ENTREP2: variants seen among roughly 807,000 people sequenced by gnomAD.
The protein encoded by ENTREP2 is endosomal transmembrane epsin interactor 2, also known as protein ENTREP2.
the ENTREP2 span, among the ~76,000 whole-genome samples, chr15:29,158,177 A>ACTACT: frequency 6.6e-6 from 1 of 152,176 alleles, no homozygotes. Context: ...ACCAAATGAA[A>ACTACT]CTACTCACAG....
the ENTREP2 span, among the ~76,000 whole-genome samples, chr15:29,657,495 G>GGGT: frequency 1.0e-5 from 1 of 99,418 alleles, no homozygotes; most frequent in African/African-American, 3.5e-5. Context: ...GGGGGGGGGG[G>GGGT]TGGCCAGCTT....
chr15:29,666,461 C>T, the ENTREP2 span, among the ~76,000 whole-genome samples: 1 of 151,884 alleles, frequency 6.6e-6, no homozygotes, highest in African/African-American at 2.4e-5. Flanking sequence ...GTTACAGTGG[C>T]CTTCTAAAGG....
chr15:29,424,411 G>T, the ENTREP2 span, among the ~76,000 whole-genome samples: 2 of 152,216 alleles, frequency 1.3e-5, no homozygotes, highest in Non-Finnish European at 1.5e-5. Context: ...ATAGAGTGCC[G>T]ATTGGTGCAT....
At chr15:29,525,153 A>G in the ENTREP2 span, among the ~76,000 whole-genome samples, 1 of 152,224 alleles carries the variant, frequency 6.6e-6, no homozygotes, top group Non-Finnish European at 1.5e-5. Flanking sequence ...CCTGTCTTTC[A>G]GTAAGAATGT....
chr15:29,266,538 T>TC, the ENTREP2 span: 1 of 152,174 alleles, frequency 6.6e-6, no homozygotes, highest in Non-Finnish European at 1.5e-5. Flanking sequence ...TAGTTATTTT[T>TC]CCCCCATAAA....
the ENTREP2 span, among the ~76,000 whole-genome samples, chr15:29,292,057 C>T: frequency 6.6e-6 from 1 of 152,134 alleles, no homozygotes; most frequent in Admixed American, 6.5e-5. Flanking sequence ...GGACACTATC[C>T]TGAGTGCTAT....
At chr15:29,140,104 G>A in the ENTREP2 span, among the ~76,000 whole-genome samples, 1,253 of 152,236 alleles carry the variant, frequency 8.2e-3, 22 homozygotes, top group African/African-American at 0.029. Flanking sequence ...GCTGCCCTCC[G>A]CACTTATTCC....
At chr15:29,550,523 G>A in the ENTREP2 span, among the ~76,000 whole-genome samples, 3 of 152,286 alleles carry the variant, frequency 2.0e-5, no homozygotes, top group East Asian at 5.8e-4. Flanking sequence ...AGTTACCAAA[G>A]CGAGTAAAAA....
chr15:29,265,412 G>A, the ENTREP2 span: 1 of 152,378 alleles, frequency 6.6e-6, no homozygotes. Context: ...GCCGAGGCGG[G>A]CAGATTACCT....
the ENTREP2 span, among the ~76,000 whole-genome samples, chr15:29,604,324 G>T: frequency 2.3e-3 from 351 of 152,282 alleles, 3 homozygotes; most frequent in African/African-American, 7.9e-3. Context: ...GTCGAGAATA[G>T]AAATTGGTAC....
the ENTREP2 span, among the ~76,000 whole-genome samples, chr15:29,646,760 G>A: frequency 2.0e-5 from 3 of 152,140 alleles, no homozygotes; most frequent in African/African-American, 7.2e-5. Flanking sequence ...CTTGGGGCAT[G>A]GAGGCACTTT....
At chr15:29,299,435 G>A in the ENTREP2 span, among the ~76,000 whole-genome samples, 1 of 152,132 alleles carries the variant, frequency 6.6e-6, no homozygotes, top group Admixed American at 6.5e-5. Flanking sequence ...CCCAGGTCAC[G>A]TGGCTGCAGC....
At chr15:29,343,128 G>C in the ENTREP2 span, among the ~76,000 whole-genome samples, 1 of 151,842 alleles carries the variant, frequency 6.6e-6, no homozygotes, top group Non-Finnish European at 1.5e-5. Flanking sequence ...CTCTGAGAAA[G>C]AGAATGTGGG....
the ENTREP2 span, among the ~76,000 whole-genome samples, chr15:29,348,318 G>A: frequency 6.6e-6 from 1 of 151,634 alleles, no homozygotes; most frequent in Non-Finnish European, 1.5e-5. Flanking sequence ...GGGGGAAATG[G>A]AAACAGGGGG....
the ENTREP2 span, among the ~76,000 whole-genome samples, chr15:29,409,075 T>C: frequency 2.6e-5 from 4 of 152,248 alleles, no homozygotes; most frequent in African/African-American, 7.2e-5. Context: ...GCAGTTAATT[T>C]GTTCAAACTA....
chr15:29,306,756 CACCCAGGCTGGAGTGCAGTGGCGTGATT>C, the ENTREP2 span, among the ~76,000 whole-genome samples: 11 of 130,438 alleles, frequency 8.4e-5, no homozygotes, highest in Admixed American at 2.8e-4. Context: ...GTGGTGTGAT[CACCCAGGCTGGAGTGCAGTGGCGTGATT>C]ACCCAGGCTG....
At chr15:29,419,094 A>T in the ENTREP2 span, among the ~76,000 whole-genome samples, 1 of 152,226 alleles carries the variant, frequency 6.6e-6, no homozygotes, top group Non-Finnish European at 1.5e-5. Context: ...AGCAAGACTG[A>T]AGCTTACCAG....
the ENTREP2 span, among the ~76,000 whole-genome samples, chr15:29,142,654 C>A: frequency 6.8e-4 from 104 of 152,302 alleles, no homozygotes; most frequent in South Asian, 1.9e-3. Flanking sequence ...ATGGAAGGCA[C>A]AGTGCCCCCT....
chr15:29,271,731 T>A, the ENTREP2 span, among the ~76,000 whole-genome samples: 42,139 of 152,014 alleles, frequency 0.28, 10,936 homozygotes, highest in African/African-American at 0.69. Flanking sequence ...GTGAGCTCTT[T>A]AAAGGGACAG....
Sources: gnomAD v4.1 joint callset for allele counts (sites outside exome capture counted in the v4.1 genomes callset) on GRCh38, gnomAD v4.1.1 for gene constraint, MANE v1.5 for transcripts, NCBI Gene and HGNC (gene_info 2026-07-23, HGNC 2026-07-21) for gene names.